Variants in MYOM2 observed in about 807,000 individuals in gnomAD.
The protein encoded by MYOM2 is myomesin-2.
Under a neutral mutation model 187.6 loss-of-function variants are expected in MYOM2, and 254 were observed. That is an observed-to-expected ratio of 1.35 (90% confidence interval 1.22 to 1.50). The LOEUF is 1.50. MYOM2 is among the 40% of genes most tolerant of loss of function. MYOM2 has a pLI of 0.00. For synonymous variants in MYOM2, 981 were observed against 753.8 expected, an observed-to-expected ratio of 1.30 and a Z score of -4.94; for missense variants, 2,796 against 1,924.0, an observed-to-expected ratio of 1.45 and a Z score of -8.48.
At chr8:2,103,623 T>C (rs1231743585) in intron 21 of MYOM2, among the ~76,000 whole-genome samples, 6 of 150,940 alleles carry the variant, frequency 4.0e-5, no homozygotes, top group Non-Finnish European at 2.9e-5. Flanking sequence ...GGTGTATGGA[T>C]AAATGAGTGG....
rs1396134868 is a variant in MYOM2, at chr8:2,102,688, A to G, written c.2641A>G (p.Lys881Glu). The change falls in exon 21 of 37, where the codon AAG becomes GAG. Residue 881 changes from lysine to glutamate, a missense_variant. Transcript: ENST00000262113. ...YLKVSDLQQG[K>E]TYVFRVRAVN... Reference sequence around the variant, plus strand: ...CAAGGTCTCTGACCTGCAGCAAGGTAAGACCTATGTCTTCAGGGTCCGGGC... The same window carrying G: ...CAAGGTCTCTGACCTGCAGCAAGGTGAGACCTATGTCTTCAGGGTCCGGGC... The G allele has an allele frequency of 3.7e-6, 6 of 1,613,144 alleles. No individual in the cohort carries two copies. In the Admixed American group the frequency reaches 5.0e-5, roughly 13 times the overall value.
At chr8:2,058,981 C>A (rs1423347406) in intron 5 of MYOM2, among the ~76,000 whole-genome samples, 172 bp from the exon 6 acceptor site, 1 of 152,224 alleles carries the variant, frequency 6.6e-6, no homozygotes, top group African/African-American at 2.4e-5. Flanking sequence ...CCTTAGAAAG[C>A]AAAACCAGTG....
chr8:2,090,793 G>A (rs1388892180), intron 15 of MYOM2, among the ~76,000 whole-genome samples: 4 of 152,132 alleles, frequency 2.6e-5, no homozygotes, highest in African/African-American at 7.2e-5. Flanking sequence ...TGCAAAGGAC[G>A]TGGTCTTGTT....
At chr8:2,104,242 C>T (rs1796817590) in intron 21 of MYOM2, among the ~76,000 whole-genome samples, 1 of 152,152 alleles carries the variant, frequency 6.6e-6, no homozygotes, top group Admixed American at 6.5e-5. Flanking sequence ...AGGACACACA[C>T]TCATAGGATA....
intron 5 of MYOM2, 34 bp downstream of exon 5, chr8:2,057,814 C>G: frequency 6.3e-7 from 1 of 1,599,588 alleles, no homozygotes; most frequent in Non-Finnish European, 8.5e-7. Context: ...GTGAAGAAGT[C>G]CATTCTGCGT....
Position 2,102,351 on chromosome 8 carries a change from C to T in MYOM2, c.2620-316C>T, listed in dbSNP as rs967661256. ...TCACACTTAAAATAGTATTTGGTTC[C>T]ACAGAATTATGTTAAATATAAACAC... On this transcript the variant is annotated intron_variant, in intron 20 of 36. Transcript: ENST00000262113. The T allele has an allele frequency of 1.2e-5, 3 of 251,486 alleles. No homozygotes were observed. The Admixed American group carries it at 1.4e-4, about 12-fold the overall frequency. 15.6% of individuals were successfully genotyped at this position (251,486 alleles called of 1,614,324 possible). A position where few individuals can be genotyped will look rare whatever the true frequency, so the allele number is the denominator to read the frequency against.
At chr8:2,048,478 C>G (rs894374445) in intron 1 of MYOM2, among the ~76,000 whole-genome samples, 13 of 152,244 alleles carry the variant, frequency 8.5e-5, no homozygotes, top group Non-Finnish European at 1.8e-4. Flanking sequence ...CATAGATTTT[C>G]TCAGATACCT....
chr8:2,128,117 G>A (rs572033230), intron 31 of MYOM2, among the ~76,000 whole-genome samples: 1 of 152,004 alleles, frequency 6.6e-6, no homozygotes, highest in African/African-American at 2.4e-5. Context: ...CACATATCAT[G>A]GTTTAAGCTC....
chr8:2,136,535 G>T (rs73657770), intron 32 of MYOM2, among the ~76,000 whole-genome samples: 19,846 of 152,194 alleles, frequency 0.13, 2,195 homozygotes, highest in African/African-American at 0.28. Context: ...ATCTCTCGCT[G>T]AAGTAGAGGG....
intron 1 of MYOM2, among the ~76,000 whole-genome samples, chr8:2,049,069 G>T (rs1818399940): frequency 6.6e-6 from 1 of 152,186 alleles, no homozygotes; most frequent in Admixed American, 6.5e-5. Flanking sequence ...GGGTTTACAG[G>T]TGTGAGCTAC....
At chr8:2,088,450 G>T (rs1196118651) in intron 14 of MYOM2, among the ~76,000 whole-genome samples, 2 of 152,188 alleles carry the variant, frequency 1.3e-5, no homozygotes, top group Non-Finnish European at 2.9e-5. Context: ...AGGCCTCAGT[G>T]TCTATCGTTG....
Position 2,086,332 on chromosome 8 carries a change from C to CCCACTGTCATGATCTCTGGCA in MYOM2, c.1644+944_1644+945insACTGTCATGATCTCTGGCACC, listed in dbSNP as rs1796047268. Among the ~76,000 whole-genome samples the CCCACTGTCATGATCTCTGGCA allele has an allele frequency of 8.1e-4, 57 of 70,302 alleles. 9 individuals are homozygous for CCCACTGTCATGATCTCTGGCA. The highest frequency in any genetic ancestry group is 1.7e-3 in the East Asian group (4 of 2,328). 46.1% of individuals were successfully genotyped at this position (70,302 alleles called of 152,430 possible). On this transcript the variant is annotated intron_variant, in intron 14 of 36. Transcript: ENST00000262113. ...CCCACAGTCGTGATCTCTGCGTGGC[C>CCCACTGTCATGATCTCTGGCA]CCCCACTGTTGTGATCTCTGCGTGG...
chr8:2,091,068 A>G lies in MYOM2; in HGVS notation c.1828+877A>G, dbSNP rs1489024522. Among the ~76,000 whole-genome samples the G allele has an allele frequency of 2.6e-5, 3 of 113,740 alleles. No homozygotes were observed. The Admixed American group carries it at 4.1e-4, about 15-fold the overall frequency. 74.6% of individuals were successfully genotyped at this position (113,740 alleles called of 152,430 possible). A position where few individuals can be genotyped will look rare whatever the true frequency, so the allele number is the denominator to read the frequency against. ...TTGAGGAATCATGACACTACTTTCC[A>G]CAATAGTTGAACTAATTTACATTCC... On this transcript the variant is annotated intron_variant, in intron 15 of 36. Coordinates refer to ENST00000262113, the MANE Select transcript of MYOM2 (RefSeq NM_003970.4).
In MYOM2 at chr8:2,092,350, C is replaced by A. The variant is rs34004023; in HGVS notation, c.1833C>A (p.Val611=). The change falls in exon 16 of 37, where the codon GTC becomes GTA. Residue 611 remains valine, a synonymous_variant. Coordinates refer to ENST00000262113, the MANE Select transcript of MYOM2 (RefSeq NM_003970.4). ...SPIQAQDVTV[V]PSAPGRVLAS... is the part of the protein sequence containing the mutation. ...CCTTTTGTCTCCTACGAAAAGTTGT[C>A]CCTTCTGCTCCGGGTCGGGTTCTTG... The A allele has an allele frequency of 8.4e-3, 13,493 of 1,613,722 alleles. 96 individuals are homozygous for A. The highest frequency in any genetic ancestry group is 0.024 in the Middle Eastern group (145 of 6,056).
chr8:2,107,112 T>C (rs1542066), intron 23 of MYOM2, among the ~76,000 whole-genome samples: 44,127 of 151,958 alleles, frequency 0.29, 6,705 homozygotes, highest in African/African-American at 0.37. Flanking sequence ...AAAACAATAG[T>C]TTTCTTAGAT....
At position 2,068,187 on chromosome 8, in the gene MYOM2, C is replaced by T. The variant is rs1025851702; in HGVS notation, c.654-1091C>T. ...TCTTCAATGCCTGTGCACACCAGGCCGAGAGCATCCTGGGGACAGCTCTTC... is the reference window on the plus strand; with the variant it reads ...TCTTCAATGCCTGTGCACACCAGGCTGAGAGCATCCTGGGGACAGCTCTTC... On this transcript the variant is annotated intron_variant, in intron 6 of 36. Transcript: ENST00000262113. Among the ~76,000 whole-genome samples, 12 of 145,932 alleles carry T rather than the reference C, an allele frequency of 8.2e-5. No individual in the cohort carries two copies. In the East Asian group the frequency reaches 1.5e-3, roughly 18 times the overall value.
Position 2,070,906 on chromosome 8 carries a change from G to C in MYOM2, c.793+1409G>C, listed in dbSNP as rs960521663. Among the ~76,000 whole-genome samples, 3 of 152,132 alleles carry C rather than the reference G, an allele frequency of 2.0e-5. No individual in the cohort carries two copies. In the South Asian group the frequency reaches 6.2e-4, roughly 31 times the overall value. On this transcript the variant is annotated intron_variant, in intron 8 of 36. Transcript: ENST00000262113. ...AGAGATGATGGAAGCAGCCAGTGCT[G>C]CTCCTGCCCGTCTCCCACACCGTCC...
At chr8:2,063,888 T>G (rs539111392) in intron 6 of MYOM2, among the ~76,000 whole-genome samples, 1 of 152,222 alleles carries the variant, frequency 6.6e-6, no homozygotes, top group East Asian at 1.9e-4. Context: ...ACTCTCTCCA[T>G]CTATTCTGGG....
rs559985316 is a variant in MYOM2 at position 2,101,663 on chromosome 8, C to G, written c.2619+609C>G. Among the ~76,000 whole-genome samples the G allele has an allele frequency of 3.0e-4, 46 of 152,220 alleles. 1 individual carries two copies. The highest frequency in any genetic ancestry group is 2.5e-3 in the Admixed American group (39 of 15,296). On this transcript the variant is annotated intron_variant, in intron 20 of 36. Coordinates refer to ENST00000262113, the MANE Select transcript of MYOM2 (RefSeq NM_003970.4). ...CGCCTGTTTTCTTCCACATTGCAGT[C>G]TAATAGCTGTTAATTGTCTGTTCAT...
Sources: gnomAD v4.1 joint callset for allele counts (sites outside exome capture counted in the v4.1 genomes callset) on GRCh38, gnomAD v4.1.1 for gene constraint, MANE v1.5 for transcripts, NCBI Gene and HGNC (gene_info 2026-07-23, HGNC 2026-07-21) for gene names.